The following TMEM269 variants were observed in gnomAD, a reference collection of about 807,000 sequenced individuals.
TMEM269 encodes transmembrane protein 269.
A neutral mutation model predicts 15.8 loss-of-function variants in TMEM269; 12 were observed. The observed-to-expected ratio is 0.76, with a 90% CI of 0.49 to 1.23. The LOEUF (loss-of-function observed/expected upper bound fraction) is 1.23. TMEM269 is among the 50% of genes most tolerant of loss of function. TMEM269 has a pLI of 0.00. For missense variants in TMEM269, 211 were observed against 245.4 expected (o/e 0.86, Z 0.94); for synonymous variants, 93 against 99.3 (o/e 0.94, Z 0.38).
intron 2 of TMEM269, 58 bp from the exon 3 acceptor site, chr1:42,792,747 T>A (rs1207615930): frequency 3.0e-6 from 3 of 1,007,250 alleles, no homozygotes; most frequent in East Asian, 5.2e-5. Context: ...CAGGGGAGAG[T>A]CTCCAGTGGA....
intron 1 of TMEM269, 48 bp downstream of exon 1, chr1:42,785,130 G>T (rs1653514285): frequency 6.6e-6 from 1 of 152,336 alleles, no homozygotes; most frequent in Non-Finnish European, 1.5e-5. Flanking sequence ...CGCTGCCCGG[G>T]TGCTGTCGGC....
Position 42,789,825 on chromosome 1 carries a change from GA to G in TMEM269, c.-68del, listed in dbSNP as rs1256518886. ...GGGTACCAGTTTCTTCCTGAGCCATGACCAGAGCCATTCCCAGATAAATGAG... is the reference window on the plus strand; with the variant it reads ...GGGTACCAGTTTCTTCCTGAGCCATGCCAGAGCCATTCCCAGATAAATGAG... On this transcript the variant is annotated 5_prime_UTR_variant, in exon 2 of 6. An upstream open reading frame in the 5' UTR gains an earlier in-frame stop. Coordinates refer to ENST00000637012, the MANE Select transcript of TMEM269 (RefSeq NM_001354602.2). 11 of 1,549,176 alleles carry G rather than the reference GA, an allele frequency of 7.1e-6. No individual in the cohort carries two copies. The highest frequency in any genetic ancestry group is 4.9e-5 in the East Asian group (2 of 40,922).
At chr1:42,787,917 A>C (rs1653574826) in intron 1 of TMEM269, 1 of 152,214 alleles carries the variant, frequency 6.6e-6, no homozygotes, top group African/African-American at 2.4e-5. Context: ...GTTCATGGGG[A>C]GGGAGTATGC....
intron 1 of TMEM269, among the ~76,000 whole-genome samples, chr1:42,786,009 G>A (rs1230424958): frequency 6.6e-6 from 1 of 152,318 alleles, no homozygotes; most frequent in East Asian, 1.9e-4. Context: ...GCCCGGCACA[G>A]AGCAGCCATT....
In TMEM269 at chr1:42,797,183, G is replaced by A. The variant is rs1211466466; in HGVS notation, c.485-915G>A. On this transcript the variant is annotated intron_variant, in intron 5 of 5. Transcript: ENST00000637012. The surrounding 1 kb of genome is among the most constrained non-coding windows in gnomAD (Gnocchi z 4.9). Reference sequence around the variant, plus strand: ...ATCTGAGATGCAAATTGTGTTGGGAGTCCCCAAGACCACCCCTGAGAAGAC... The same window carrying A: ...ATCTGAGATGCAAATTGTGTTGGGAATCCCCAAGACCACCCCTGAGAAGAC... 3.9e-5 allele frequency among the ~76,000 whole-genome samples: 6 copies of A among 152,090 alleles called. No individual in the cohort carries two copies. Among genetic ancestry groups the A allele is most frequent in the Admixed American group, 1.3e-4 (2 of 15,266 alleles).
chr1:42,796,257 A>G (rs914538341), intron 5 of TMEM269, among the ~76,000 whole-genome samples: 3 of 152,284 alleles, frequency 2.0e-5, no homozygotes, highest in African/African-American at 7.2e-5. Flanking sequence ...TCCTGTAGAT[A>G]CTACTGATCC....
Position 42,788,167 on chromosome 1 carries a change from TG to T in TMEM269, c.-98-1627del, listed in dbSNP as rs1265840694. On this transcript the variant is annotated intron_variant, in intron 1 of 5. Coordinates refer to ENST00000637012, the MANE Select transcript of TMEM269 (RefSeq NM_001354602.2). This position sits in a 1 kb window ranked among gnomAD's most constrained non-coding sequence, Gnocchi z 4.0. ...GCCCTCCCAGCTGCTGGCATGTTGG[TG>T]GCAGGTTTATGAGAAAAGACCATGG... The T allele has an allele frequency of 1.3e-5, 2 of 152,428 alleles. No individual in the cohort carries two copies. Among genetic ancestry groups the T allele is most frequent in the Admixed American group, 1.3e-4 (2 of 15,278 alleles). The allele number at this position is 152,428 out of a possible 1,614,324, so 9.4% of individuals were successfully genotyped here. A position where few individuals can be genotyped will look rare whatever the true frequency, so the allele number is the denominator to read the frequency against.
At position 42,798,786 on chromosome 1, in the gene TMEM269, A is replaced by G. The variant is rs1653837790; in HGVS notation, c.*561A>G. On this transcript the variant is annotated 3_prime_UTR_variant, in exon 6 of 6. Transcript: ENST00000637012. ...GAGAAGGAGTCTCGCTCTTTCACCCAGGCTGGAGTGCAGTGGAGCGATCTC... is the reference window on the plus strand; with the variant it reads ...GAGAAGGAGTCTCGCTCTTTCACCCGGGCTGGAGTGCAGTGGAGCGATCTC... 1 of 118,466 alleles carries G rather than the reference A, an allele frequency of 8.4e-6. No homozygotes were observed. The highest frequency in any genetic ancestry group is 1.6e-5 in the Non-Finnish European group (1 of 63,152). The allele number at this position is 118,466 out of a possible 1,614,324, so 7.3% of individuals were successfully genotyped here. A position where few individuals can be genotyped will look rare whatever the true frequency, so the allele number is the denominator to read the frequency against.
chr1:42,790,389 A>C (rs973382119), intron 2 of TMEM269, among the ~76,000 whole-genome samples: 1 of 152,162 alleles, frequency 6.6e-6, no homozygotes, highest in African/African-American at 2.4e-5. Context: ...TGATGCGGGT[A>C]ACATCTCCTA....
chr1:42,792,904 T>A lies in TMEM269; in HGVS notation c.139+2T>A, dbSNP rs1048571830. The A allele has an allele frequency of 6.5e-7, 1 of 1,549,660 alleles. No individual in the cohort carries two copies. The highest frequency in any genetic ancestry group is 8.7e-7 in the Non-Finnish European group (1 of 1,146,314). On this transcript the variant is annotated splice_donor_variant, in intron 3 of 5. Coordinates refer to ENST00000637012, the MANE Select transcript of TMEM269 (RefSeq NM_001354602.2). LOFTEE classifies it high-confidence loss of function. Reference sequence around the variant, plus strand: ...ACATCAACATATGCTCCAAATTGGGTGAGTTCAGGCCCCAGGCCCCTAATC... The same window carrying A: ...ACATCAACATATGCTCCAAATTGGGAGAGTTCAGGCCCCAGGCCCCTAATC...
Position 42,793,623 on chromosome 1 carries a change from C to T in TMEM269, c.162C>T (p.Ala54=), listed in dbSNP as rs570017349. 22 of 1,550,208 alleles carry T rather than the reference C, an allele frequency of 1.4e-5. No homozygotes were observed. Among genetic ancestry groups the T allele is most frequent in the African/African-American group, 4.1e-5 (3 of 73,120 alleles). Residue 54 remains alanine, a synonymous_variant, in exon 4 of 6, where the codon GCC becomes GCT. Transcript: ENST00000637012. ...CAGGAGCCGAGCTGAATGACTTTGC[C>T]GTCTTCACCACCTTCGGCTTGGCCT... ...SKLGAELNDF[A]VFTTFGLASA...
chr1:42,789,484 G>C (rs1209865785), intron 1 of TMEM269: 3 of 1,535,454 alleles, frequency 2.0e-6, no homozygotes, highest in Non-Finnish European at 2.6e-6. Flanking sequence ...GGCTTCAGGA[G>C]AGTCAGCATA....
chr1:42,786,125 G>A (rs1004781398), intron 1 of TMEM269, among the ~76,000 whole-genome samples: 4 of 152,232 alleles, frequency 2.6e-5, no homozygotes, highest in Non-Finnish European at 5.9e-5. Flanking sequence ...GTTCATCTGA[G>A]GCTTCTTGGA....
Position 42,796,183 on chromosome 1 carries a change from C to T in TMEM269, c.484+1570C>T, listed in dbSNP as rs2816598. On this transcript the variant is annotated intron_variant, in intron 5 of 5. Transcript: ENST00000637012. ...GCACAGATGTGTCCATTTCTAGCCT[C>T]GCCCTTCTCCTCCACCTCCCCTTCT... is the stretch of plus-strand genomic sequence containing the variant. Among the ~76,000 whole-genome samples the T allele has an allele frequency of 3.2e-3, 486 of 152,278 alleles. 6 individuals carry two copies. In the South Asian group the frequency reaches 0.032, roughly 10 times the overall value.
chr1:42,799,973 G>A lies in TMEM269; in HGVS notation c.*1748G>A, dbSNP rs1216116985. The A allele has an allele frequency of 6.6e-6, 1 of 152,116 alleles. No homozygotes were observed. Among genetic ancestry groups the A allele is most frequent in the Admixed American group, 6.5e-5 (1 of 15,278 alleles). 9.4% of individuals were successfully genotyped at this position (152,116 alleles called of 1,614,324 possible). A position where few individuals can be genotyped will look rare whatever the true frequency, so the allele number is the denominator to read the frequency against. On this transcript the variant is annotated 3_prime_UTR_variant, in exon 6 of 6. Coordinates refer to ENST00000637012, the MANE Select transcript of TMEM269 (RefSeq NM_001354602.2). ...ATGTCGTATTCTTAAATCAAATTAGGTATCATATTTGGACTCAAATGCCTT... is the reference window on the plus strand; with the variant it reads ...ATGTCGTATTCTTAAATCAAATTAGATATCATATTTGGACTCAAATGCCTT...
At chr1:42,790,702 G>A (rs1480270164) in intron 2 of TMEM269, among the ~76,000 whole-genome samples, 1 of 151,712 alleles carries the variant, frequency 6.6e-6, no homozygotes, top group African/African-American at 2.4e-5. Flanking sequence ...CAAAGTGCTG[G>A]GATTACAAAC....
chr1:42,794,567 C>G lies in TMEM269; in HGVS notation c.438C>G (p.Asp146Glu). The G allele has an allele frequency of 6.4e-7, 1 of 1,550,920 alleles. No individual in the cohort carries two copies. Among genetic ancestry groups the G allele is most frequent in the Non-Finnish European group, 8.7e-7 (1 of 1,147,074 alleles). ...FMMDQSYYPY[D>E]KILESENWKK... ...TGGACCAGAGCTACTATCCATATGA[C>G]AAAATCCTGGAGTCTGAGAACTGGA... The change falls in exon 5 of 6, where the codon GAC (aspartate) becomes GAG (glutamate). Residue 146 changes from aspartate (D) to glutamate (E), a missense_variant. Transcript: ENST00000637012.
chr1:42,792,741 GGA>G, intron 2 of TMEM269, 62 bp from the exon 3 acceptor site: 1 of 944,258 alleles, frequency 1.1e-6, no homozygotes, highest in Non-Finnish European at 1.7e-6. Context: ...GGGGGGCAGG[GGA>G]GAGTCTCCAG....
intron 1 of TMEM269, among the ~76,000 whole-genome samples, chr1:42,786,403 G>C (rs367951132): frequency 3.3e-5 from 5 of 152,208 alleles, no homozygotes; most frequent in African/African-American, 1.2e-4. Context: ...GGCACCTAAC[G>C]TGCTCAGGGG....
Sources: allele counts gnomAD v4.1 joint callset (sites outside exome capture counted in the v4.1 genomes callset), GRCh38; gene constraint gnomAD v4.1.1; non-coding constraint Gnocchi (gnomAD v3.1); transcripts MANE v1.5; gene names NCBI Gene and HGNC (gene_info 2026-07-23, HGNC 2026-07-21).